CPEB1: variants seen among roughly 807,000 people sequenced by gnomAD.
CPEB1 encodes the protein cytoplasmic polyadenylation element-binding protein 1.
A neutral mutation model predicts 65.8 loss-of-function variants in CPEB1; 7 were observed. That is an observed-to-expected ratio of 0.11 (90% CI 0.06 to 0.20). The LOEUF is 0.20. Among genes scored for constraint, CPEB1 ranks in the 10% least tolerant of loss-of-function variants. The pLI is 1.00. For missense variants in CPEB1, 551 were observed against 712.2 expected, an observed-to-expected ratio of 0.77 and a Z score of 2.58; for synonymous variants, 262 against 260.0, an observed-to-expected ratio of 1.01 and a Z score of -0.08.
chr15:82,646,390 G>A (rs1350311819), intron 1 of CPEB1, among the ~76,000 whole-genome samples: 1 of 152,208 alleles, frequency 6.6e-6, no homozygotes, highest in Non-Finnish European at 1.5e-5. Flanking sequence ...GCGGTAGCCA[G>A]GGAGACCAAG....
intron 4 of CPEB1, among the ~76,000 whole-genome samples, chr15:82,567,604 C>A (rs2039355017): frequency 6.6e-6 from 1 of 151,658 alleles, no homozygotes. Context: ...CCACTGTACT[C>A]CAGCTTGGTC....
rs587683847 is a variant in CPEB1 at position 82,642,482 on chromosome 15, A to C, written c.-98+4655T>G. ...GGATCCCTTAAGCCAGGGAGCTTTGAGGCTGCAGTAAGCTGTGATTGCACC... is the reference window on the plus strand; with the variant it reads ...GGATCCCTTAAGCCAGGGAGCTTTGCGGCTGCAGTAAGCTGTGATTGCACC... On this transcript the variant is annotated intron_variant, in intron 1 of 12. Coordinates refer to ENST00000684509, the MANE Select transcript of CPEB1 (RefSeq NM_001365242.1). Among the ~76,000 whole-genome samples the C allele has an allele frequency of 3.9e-5, 6 of 152,320 alleles. No homozygotes were observed. The South Asian group carries it at 1.2e-3, about 32-fold the overall frequency.
chr15:82,607,968 C>T (rs2043782678), intron 3 of CPEB1, among the ~76,000 whole-genome samples: 1 of 152,202 alleles, frequency 6.6e-6, no homozygotes, highest in Admixed American at 6.5e-5. Flanking sequence ...GTTTCCCAGT[C>T]TTTGACAAGG....
chr15:82,643,013 G>T (rs948082011), intron 1 of CPEB1, among the ~76,000 whole-genome samples: 5 of 152,220 alleles, frequency 3.3e-5, no homozygotes, highest in African/African-American at 9.6e-5. Context: ...TGAAACCAAT[G>T]AATGAGAAAG....
chr15:82,627,441 TTAGA>T, intron 2 of CPEB1, 74 bp from the exon 3 acceptor site: 1 of 1,161,790 alleles, frequency 8.6e-7, no homozygotes, highest in Non-Finnish European at 1.2e-6. Context: ...ACATTACGAA[TTAGA>T]TAAAGTAGGA....
chr15:82,612,861 CAA>C (rs373607726), intron 3 of CPEB1, among the ~76,000 whole-genome samples: 1 of 149,760 alleles, frequency 6.7e-6, no homozygotes, highest in Non-Finnish European at 1.5e-5. Context: ...AACAAACAAA[CAA>C]ACAAAACAAA....
chr15:82,628,545 C>A lies in CPEB1; in HGVS notation c.-86G>T. On this transcript the variant is annotated 5_prime_UTR_variant, in exon 2 of 13. Coordinates refer to ENST00000684509, the MANE Select transcript of CPEB1 (RefSeq NM_001365242.1). ...TTACAATACAGACCCTTCTATTACA[C>A]AGGCACTGAAACTAACGCAAATGGT... 3.0e-6 allele frequency: 2 copies of A among 666,114 alleles called. No homozygotes were observed. Among genetic ancestry groups the A allele is most frequent in the South Asian group, 3.4e-5 (2 of 59,666 alleles). 41.3% of individuals were successfully genotyped at this position (666,114 alleles called of 1,614,324 possible). A position where few individuals can be genotyped will look rare whatever the true frequency, so the allele number is the denominator to read the frequency against.
At chr15:82,602,571 C>T (rs995917885) in intron 3 of CPEB1, among the ~76,000 whole-genome samples, 16 of 152,148 alleles carry the variant, frequency 1.1e-4, no homozygotes, top group African/African-American at 3.9e-4. Context: ...ATCGGCCGGG[C>T]GCGGTGGCTC....
chr15:82,576,257 A>G (rs1340291041), intron 3 of CPEB1, among the ~76,000 whole-genome samples: 1 of 152,206 alleles, frequency 6.6e-6, no homozygotes, highest in East Asian at 1.9e-4. Flanking sequence ...AAACTAATAA[A>G]TGGTGAAAAA....
intron 3 of CPEB1, among the ~76,000 whole-genome samples, chr15:82,617,042 C>A (rs75601569): frequency 1.3e-5 from 2 of 152,256 alleles, no homozygotes; most frequent in South Asian, 2.1e-4. Flanking sequence ...AAGTTTAATA[C>A]CCTTTTGAAA....
chr15:82,570,320 A>T (rs1352484878), intron 4 of CPEB1, among the ~76,000 whole-genome samples: 2 of 152,136 alleles, frequency 1.3e-5, no homozygotes, highest in East Asian at 3.9e-4. Flanking sequence ...GAGGGAAGGG[A>T]AGGACAGCAG....
chr15:82,571,800 C>T (rs1479349117), intron 3 of CPEB1: 13 of 1,245,240 alleles, frequency 1.0e-5, no homozygotes, highest in Admixed American at 7.6e-5. Context: ...TGATGCTTCC[C>T]GCTGCCAGTG....
chr15:82,616,933 C>A (rs79520077), intron 3 of CPEB1, among the ~76,000 whole-genome samples: 7 of 152,158 alleles, frequency 4.6e-5, no homozygotes, highest in African/African-American at 1.2e-4. Context: ...TACATACCCA[C>A]GAAACCATCA....
intron 3 of CPEB1, among the ~76,000 whole-genome samples, chr15:82,592,281 C>T (rs1434480743): frequency 6.6e-6 from 1 of 152,074 alleles, no homozygotes; most frequent in Non-Finnish European, 1.5e-5. Context: ...TTTTGGTTTC[C>T]CAGTGCACAT....
intron 3 of CPEB1, chr15:82,573,098 G>T: frequency 6.5e-7 from 1 of 1,535,582 alleles, no homozygotes; most frequent in Non-Finnish European, 8.7e-7. Flanking sequence ...TGCCCACCTG[G>T]GACCTCCCAT....
intron 1 of CPEB1, chr15:82,629,399 A>C (rs767410399): frequency 3.7e-5 from 36 of 985,116 alleles, no homozygotes; most frequent in Non-Finnish European, 4.1e-5. Context: ...CAACTTTATT[A>C]ACTGGCATGA....
intron 3 of CPEB1, among the ~76,000 whole-genome samples, chr15:82,580,021 T>G (rs1351347304): frequency 1.6e-5 from 2 of 121,496 alleles, no homozygotes; most frequent in South Asian, 5.8e-4. Flanking sequence ...CTACAAATAC[T>G]AGGAGAAAAG....
intron 3 of CPEB1, among the ~76,000 whole-genome samples, chr15:82,625,594 A>G (rs1164278846): frequency 6.6e-6 from 1 of 152,156 alleles, no homozygotes; most frequent in Non-Finnish European, 1.5e-5. Flanking sequence ...TGAGGAACCC[A>G]CCTATACCAG....
upstream of CPEB1, chr15:82,647,569 C>T: frequency 6.4e-6 from 2 of 312,634 alleles, no homozygotes; most frequent in Non-Finnish European, 1.2e-5. Flanking sequence ...CGCTCGAGGC[C>T]GCCTGGAGGC....
Sources: allele counts gnomAD v4.1 joint callset (sites outside exome capture counted in the v4.1 genomes callset), GRCh38; gene constraint gnomAD v4.1.1; transcripts MANE v1.5; gene names NCBI Gene and HGNC (gene_info 2026-07-23, HGNC 2026-07-21).